The following ANKRD30B variants were observed in gnomAD, a reference collection of about 807,000 sequenced individuals.
ANKRD30B encodes the protein ankyrin repeat domain 30B.
Under a neutral mutation model 202.2 loss-of-function variants are expected in ANKRD30B, and 144 were observed. The observed-to-expected ratio is 0.71, with a 90% CI of 0.62 to 0.82. The LOEUF (loss-of-function observed/expected upper bound fraction) is 0.82. Ranked by LOEUF, ANKRD30B falls within the 40% of genes least tolerant of loss-of-function variation. The probability of loss-of-function intolerance (pLI) is 0.00; values close to 1 mark genes in which losing one functional copy is unlikely to be tolerated. For synonymous variants in ANKRD30B, 508 were observed against 561.3 expected (o/e 0.91, Z 1.34); for missense variants, 1,487 against 1,669.1 (o/e 0.89, Z 1.90).
At chr18:14,852,763 C>G (rs1971944592) in intron 42 of ANKRD30B, 1 of 168,382 alleles carries the variant, frequency 5.9e-6, no homozygotes, top group African/African-American at 2.4e-5. Context: ...ATGGGAATGC[C>G]CATATCAGCA....
At chr18:14,797,998 T>C (rs1323799100) in intron 20 of ANKRD30B, 144 bp downstream of exon 20, 3 of 937,782 alleles carry the variant, frequency 3.2e-6, no homozygotes, top group Non-Finnish European at 4.7e-6. Flanking sequence ...TTAGTATTTA[T>C]GTTTGAGAAA....
Position 14,793,055 on chromosome 18 carries a change from G to T in ANKRD30B, c.1825+1564G>T, listed in dbSNP as rs71364862. Reference sequence around the variant, plus strand: ...TACATCAATATTGAGGGCTAATTAAGTTTGCTGTTCCTGATGAGGTTTGTA... The same window carrying T: ...TACATCAATATTGAGGGCTAATTAATTTTGCTGTTCCTGATGAGGTTTGTA... On this transcript the variant is annotated intron_variant, in intron 16 of 43. Transcript: ENST00000690538. Among the ~76,000 whole-genome samples, 50 of 152,224 alleles carry T rather than the reference G, an allele frequency of 3.3e-4. 1 individual carries two copies. The South Asian group carries it at 0.01, about 32-fold the overall frequency.
intron 3 of ANKRD30B, among the ~76,000 whole-genome samples, chr18:14,754,319 T>A (rs1301176592): frequency 2.0e-5 from 3 of 152,194 alleles, no homozygotes; most frequent in African/African-American, 7.2e-5. Context: ...AATTCTAATT[T>A]GTCAAATGTT....
At chr18:14,760,853 A>G (rs1224730905) in intron 6 of ANKRD30B, among the ~76,000 whole-genome samples, 14 of 152,244 alleles carry the variant, frequency 9.2e-5, no homozygotes, top group Non-Finnish European at 1.9e-4. Flanking sequence ...CTCAAAAAAT[A>G]TTATCTGAAA....
chr18:14,886,833 C>T, the ANKRD30B span, among the ~76,000 whole-genome samples: 1 of 152,076 alleles, frequency 6.6e-6, no homozygotes, highest in Non-Finnish European at 1.5e-5. Flanking sequence ...ATCTCAAAAC[C>T]TAGCTAGCAA....
chr18:14,773,846 G>A (rs1008441719), intron 9 of ANKRD30B, among the ~76,000 whole-genome samples: 2 of 152,188 alleles, frequency 1.3e-5, no homozygotes, highest in East Asian at 3.9e-4. Flanking sequence ...AGTAGAGACA[G>A]GGTTTCACCA....
At chr18:14,755,028 C>T (rs2143657605) in intron 4 of ANKRD30B, 23 bp downstream of exon 4, 1 of 1,272,006 alleles carries the variant, frequency 7.9e-7, no homozygotes, top group Non-Finnish European at 1.0e-6. Flanking sequence ...TTTTTTTTTA[C>T]TAAAAAACAC....
chr18:14,907,964 GA>G, the ANKRD30B span, among the ~76,000 whole-genome samples: 4 of 151,656 alleles, frequency 2.6e-5, no homozygotes, highest in Admixed American at 2.0e-4. Context: ...TACATTAACA[GA>G]AAAAAAAGGC....
chr18:14,814,512 A>T (rs201268819), intron 29 of ANKRD30B, 109 bp from the exon 30 acceptor site: 5 of 393,010 alleles, frequency 1.3e-5, no homozygotes, highest in Admixed American at 3.4e-5. Flanking sequence ...CGAATTCCTT[A>T]TAAAGTAGGA....
chr18:14,919,864 G>C, the ANKRD30B span, among the ~76,000 whole-genome samples: 1 of 152,318 alleles, frequency 6.6e-6, no homozygotes, highest in East Asian at 1.9e-4. Flanking sequence ...CCTGGACTTA[G>C]GCCAAGCTGG....
intron 4 of ANKRD30B, among the ~76,000 whole-genome samples, chr18:14,755,530 C>T (rs1322238747): frequency 1.3e-5 from 2 of 152,030 alleles, no homozygotes; most frequent in Admixed American, 6.6e-5. Context: ...GGTATATCTC[C>T]TAATGCTATC....
At chr18:14,890,450 T>A in the ANKRD30B span, among the ~76,000 whole-genome samples, 1 of 151,632 alleles carries the variant, frequency 6.6e-6, no homozygotes, top group African/African-American at 2.4e-5. Context: ...ATTGCATTGC[T>A]CTTATGTATT....
At chr18:14,764,209 A>G in intron 7 of ANKRD30B, 119 bp downstream of exon 7, 2 of 1,037,846 alleles carry the variant, frequency 1.9e-6, no homozygotes, top group East Asian at 5.4e-5. Flanking sequence ...AAGCTTAGGC[A>G]ACACTTTTTA....
intron 1 of ANKRD30B, among the ~76,000 whole-genome samples, chr18:14,751,402 T>G (rs1332412658): frequency 1.3e-5 from 2 of 152,050 alleles, no homozygotes; most frequent in Admixed American, 6.6e-5. Context: ...TCCTTAAAAA[T>G]TTCATGTTTA....
rs2143273758 is a variant in ANKRD30B, at chr18:14,851,769, G to A, written c.3825G>A (p.Thr1275=). 6.5e-6 allele frequency: 10 copies of A among 1,533,836 alleles called. 1 individual carries two copies. Among genetic ancestry groups the A allele is most frequent in the South Asian group, 1.2e-5 (1 of 86,106 alleles). Residue 1275 remains threonine, a synonymous_variant, in exon 42 of 44, where the codon ACG becomes ACA. Transcript: ENST00000690538. Reference sequence around the variant, plus strand: ...TTAAAGTTCTGACGGCAGAGAACACGATGCTGACTTCTAAATTGAAGGAAA... The same window carrying A: ...TTAAAGTTCTGACGGCAGAGAACACAATGCTGACTTCTAAATTGAAGGAAA... ...EQLKVLTAEN[T]MLTSKLKEKQ...
At chr18:14,940,070 G>A in the ANKRD30B span, among the ~76,000 whole-genome samples, 7 of 152,198 alleles carry the variant, frequency 4.6e-5, no homozygotes, top group Non-Finnish European at 1.0e-4. Flanking sequence ...AATTTTGACT[G>A]TGCAGCAGAA....
the ANKRD30B span, among the ~76,000 whole-genome samples, chr18:14,888,320 CATT>C: frequency 5.3e-5 from 8 of 151,930 alleles, no homozygotes; most frequent in East Asian, 7.7e-4. Context: ...ACATCATCTG[CATT>C]ATTATTATTA....
chr18:14,791,997 T>G (rs945996008), intron 16 of ANKRD30B, among the ~76,000 whole-genome samples: 4 of 152,142 alleles, frequency 2.6e-5, no homozygotes, highest in African/African-American at 9.7e-5. Context: ...CCATTAGGGA[T>G]GGAAGCAGCT....
Position 14,851,906 on chromosome 18 carries a change from C to A in ANKRD30B, c.3962C>A (p.Ala1321Asp). Reference sequence around the variant, plus strand: ...ACATCAAGAAAAAACCAAGAACTTGCTTTCCACAGTGCAGGAGATGCTCCT... The same window carrying A: ...ACATCAAGAAAAAACCAAGAACTTGATTTCCACAGTGCAGGAGATGCTCCT... ...SVTSRKNQEL[A>D]FHSAGDAPLQ... The change falls in exon 42 of 44, where the codon GCT becomes GAT. Residue 1321 changes from alanine (A) to aspartate (D), a missense_variant. Ala to Asp is a moderately radical substitution (Grantham distance 126). This residue lies in a region of ANKRD30B where 182 missense variants were observed against 216.0 expected (regional missense o/e 0.84). Transcript: ENST00000690538. 6.3e-7 allele frequency: 1 copy of A among 1,598,574 alleles called. No individual in the cohort carries two copies. Among genetic ancestry groups the A allele is most frequent in the Non-Finnish European group, 8.5e-7 (1 of 1,171,198 alleles).
Sources: gnomAD v4.1 joint callset for allele counts (sites outside exome capture counted in the v4.1 genomes callset) on GRCh38, gnomAD v4.1.1 for gene constraint, gnomAD v4.1.1 regional missense constraint, MANE v1.5 for transcripts, NCBI Gene and HGNC (gene_info 2026-07-23, HGNC 2026-07-21) for gene names.